Variants in KDM8 observed in about 807,000 individuals in gnomAD.
The protein encoded by KDM8 is lysine demethylase 8.
In KDM8, 35 loss-of-function variants were observed where a neutral mutation model predicts 46.9. That is an observed-to-expected ratio of 0.75 (90% confidence interval 0.57 to 0.99). The LOEUF is 0.99. Ranked by LOEUF, KDM8 falls within the 50% of genes least tolerant of loss-of-function variation. The pLI, the probability that KDM8 is intolerant of heterozygous loss-of-function variation, is 0.00. For missense variants in KDM8, 475 were observed against 537.0 expected, an observed-to-expected ratio of 0.88 and a Z score of 1.14; for synonymous variants, 232 against 227.7, an observed-to-expected ratio of 1.02 and a Z score of -0.17.
intron 4 of KDM8, 105 bp from the exon 5 acceptor site, chr16:27,215,840 T>G (rs1596656321): frequency 5.1e-6 from 6 of 1,165,546 alleles, no homozygotes; most frequent in African/African-American, 1.5e-5. Flanking sequence ...AGTGGAAGGG[T>G]GACGGGTGCT....
chr16:27,214,756 A>C, intron 3 of KDM8, 120 bp from the exon 4 acceptor site: 3 of 1,102,920 alleles, frequency 2.7e-6, no homozygotes, highest in Non-Finnish European at 2.7e-6. Flanking sequence ...TGGGGATGAC[A>C]GTCCTTGTCT....
rs777956468 is a variant in KDM8, at chr16:27,213,720, G to T, written c.634G>T (p.Ala212Ser). The change falls in exon 3 of 8, where the codon GCT becomes TCT. Residue 212 changes from alanine to serine, a missense_variant. By Grantham distance (99) the Ala-to-Ser change is moderately conservative. Transcript: ENST00000286096. ...GAGGCCCGTGATCCTGAAAGGCGTG[G>T]CTGACCACTGGCCGTGCATGCAGAA... is the stretch of plus-strand genomic sequence containing the variant. Reference protein sequence around the residue: ...PGRPVILKGVADHWPCMQKWS... With the variant: ...PGRPVILKGVSDHWPCMQKWS... The T allele has an allele frequency of 5.0e-6, 8 of 1,614,186 alleles. No homozygotes were observed. The South Asian group carries it at 8.8e-5, about 18-fold the overall frequency.
In KDM8 at chr16:27,213,600, C is replaced by T; in HGVS notation, c.514C>T (p.His172Tyr). The change falls in exon 3 of 8, where the codon CAT becomes TAT. Residue 172 changes from histidine (H) to tyrosine (Y), a missense_variant. Transcript: ENST00000286096. ...QPCTKKARAD[H>Y]GLIPDVKLEK... is the part of the protein sequence containing the mutation. ...TTTTAAACAGAAAGCAAGGGCGGAC[C>T]ATGGTTTGATTCCAGATGTGAAGTT... The T allele has an allele frequency of 6.2e-7, 1 of 1,614,014 alleles. No individual in the cohort carries two copies. Among genetic ancestry groups the T allele is most frequent in the African/African-American group, 1.3e-5 (1 of 75,006 alleles).
In KDM8 at chr16:27,220,471, C is replaced by T. The variant is rs1406234712; in HGVS notation, c.1072C>T (p.His358Tyr). 1.2e-6 allele frequency: 2 copies of T among 1,614,138 alleles called. No individual in the cohort carries two copies. The highest frequency in any genetic ancestry group is 1.3e-5 in the African/African-American group (1 of 75,020). ...ALYPHDTHLL[H>Y]NTSQVDVENP... ...GTACCCTCATGACACGCACCTTCTC[C>T]ATAACACGAGCCAGGTGGGCACTGG... is the stretch of plus-strand genomic sequence containing the variant. Residue 358 changes from histidine to tyrosine, a missense_variant, in exon 7 of 8, where the codon CAT (histidine) becomes TAT (tyrosine). By Grantham distance (83) the His-to-Tyr change is moderately conservative (BLOSUM62 2). Transcript: ENST00000286096.
intron 2 of KDM8, chr16:27,211,548 G>A: frequency 5.0e-6 from 1 of 201,392 alleles, no homozygotes; most frequent in East Asian, 1.3e-4. Flanking sequence ...TGTCTGTAGA[G>A]TGGCAGAGTA....
At chr16:27,216,153 G>A in intron 5 of KDM8, 164 bp downstream of exon 5, 2 of 699,014 alleles carry the variant, frequency 2.9e-6, no homozygotes, top group Non-Finnish European at 5.0e-6. Flanking sequence ...TTTTCCTAAA[G>A]TGACAGGAAA....
chr16:27,214,726 C>T (rs1256962064), intron 3 of KDM8, 150 bp from the exon 4 acceptor site: 7 of 799,310 alleles, frequency 8.8e-6, no homozygotes, highest in East Asian at 5.3e-5. Flanking sequence ...CTCTCCATGC[C>T]GGTTCCTCAT....
In KDM8 at chr16:27,213,218, CGTGTGTGTGTGTGTGTGTGTGTGT is replaced by C. The variant is rs3063593; in HGVS notation, c.499-346_499-323del. 3.7e-3 allele frequency: 523 copies of C among 139,612 alleles called. 3 individuals are homozygous for C. Among genetic ancestry groups the C allele is most frequent in the African/African-American group, 0.013 (487 of 37,378 alleles). The allele number at this position is 139,612 out of a possible 1,614,324, so 8.6% of individuals were successfully genotyped here. ...CTCCCAGTGGGTCAGAGATATTTTG[CGTGTGTGTGTGTGTGTGTGTGTGT>C]GTGTGTGTGTGTGTGTGTGTAAGAT... On this transcript the variant is annotated intron_variant, in intron 2 of 7. Coordinates refer to ENST00000286096, the MANE Select transcript of KDM8 (RefSeq NM_024773.3).
intron 5 of KDM8, among the ~76,000 whole-genome samples, chr16:27,217,681 A>G (rs578123827): frequency 6.6e-6 from 1 of 152,236 alleles, no homozygotes; most frequent in East Asian, 1.9e-4. Context: ...CCTGGTACAC[A>G]CTGGTTTCTG....
intron 1 of KDM8, among the ~76,000 whole-genome samples, chr16:27,205,379 G>T (rs2083418170): frequency 6.6e-6 from 1 of 152,130 alleles, no homozygotes; most frequent in Non-Finnish European, 1.5e-5. Flanking sequence ...TTTATGTAAG[G>T]AGCATTTAGG....
chr16:27,214,074 A>G (rs1183297329), intron 3 of KDM8: 1 of 210,596 alleles, frequency 4.7e-6, no homozygotes, highest in African/African-American at 2.3e-5. Context: ...CCCTGAAGCT[A>G]AGAGCAGAAA....
In KDM8 at chr16:27,220,456, G is replaced by A. The variant is rs753137380; in HGVS notation, c.1057G>A (p.Asp353Asn). The part of the protein sequence containing the change: ...PQESGALYPH[D>N]THLLHNTSQV... ...GGAGTCAGGGGCTCTGTACCCTCAT[G>A]ACACGCACCTTCTCCATAACACGAG... Residue 353 changes from aspartate to asparagine, a missense_variant, in exon 7 of 8, where the codon GAC (aspartate) becomes AAC (asparagine). Physicochemically the swap from Asp to Asn is conservative, Grantham distance 23 (BLOSUM62 1). Coordinates refer to ENST00000286096, the MANE Select transcript of KDM8 (RefSeq NM_024773.3). 6.2e-7 allele frequency: 1 copy of A among 1,614,172 alleles called. No homozygotes were observed. The highest frequency in any genetic ancestry group is 1.1e-5 in the South Asian group (1 of 91,080).
intron 3 of KDM8, chr16:27,214,453 T>C (rs953556316): frequency 5.8e-6 from 1 of 171,912 alleles, no homozygotes; most frequent in African/African-American, 2.3e-5. Flanking sequence ...GTAACCTGCC[T>C]CAGATCCCCT....
intron 1 of KDM8, 79 bp from the exon 2 acceptor site, chr16:27,210,013 GA>G: frequency 7.1e-7 from 1 of 1,406,642 alleles, no homozygotes; most frequent in Non-Finnish European, 9.6e-7. Flanking sequence ...CCTCGCAGAT[GA>G]GATGCAGGAA....
At chr16:27,210,684 T>C in intron 2 of KDM8, 63 bp downstream of exon 2, 1 of 1,458,256 alleles carries the variant, frequency 6.9e-7, no homozygotes, top group South Asian at 1.5e-5. Flanking sequence ...TTCTAGAAAT[T>C]CCGAGTCATC....
intron 3 of KDM8, 122 bp downstream of exon 3, chr16:27,213,873 T>C: frequency 1.1e-6 from 1 of 930,728 alleles, no homozygotes; most frequent in South Asian, 1.8e-5. Context: ...CTAGCAGCCC[T>C]TGACTGATTG....
In KDM8 at chr16:27,215,598, A is replaced by G. The variant is rs190384950; in HGVS notation, c.799-347A>G. On this transcript the variant is annotated intron_variant, in intron 4 of 7. Coordinates refer to ENST00000286096, the MANE Select transcript of KDM8 (RefSeq NM_024773.3). ...CCTGTCAAAATTACGACAGGACAGG[A>G]TAGGACAATTTATTTTTCCCAAAAG... is the stretch of plus-strand genomic sequence containing the variant. Among the ~76,000 whole-genome samples the G allele has an allele frequency of 8.6e-4, 131 of 152,296 alleles. 1 individual carries two copies. The highest frequency in any genetic ancestry group is 2.9e-3 in the African/African-American group (119 of 41,564).
chr16:27,216,150 A>G, intron 5 of KDM8, 161 bp downstream of exon 5: 1 of 709,512 alleles, frequency 1.4e-6, no homozygotes, highest in Non-Finnish European at 2.4e-6. Context: ...CCATTTTCCT[A>G]AAGTGACAGG....
rs1037217042 is a variant in KDM8 at position 27,210,345 on chromosome 16, C to T, written c.222C>T (p.Tyr74=). The T allele has an allele frequency of 7.4e-6, 12 of 1,613,224 alleles. No individual in the cohort carries two copies. The Admixed American group carries it at 1.5e-4, about 20-fold the overall frequency. The change falls in exon 2 of 8, where the codon TAC becomes TAT. Residue 74 remains tyrosine (Y), a synonymous_variant. Coordinates refer to ENST00000286096, the MANE Select transcript of KDM8 (RefSeq NM_024773.3). ...AGAGCAGCGAGGTGATCCTGGACTA[C>T]TCCTGGGAGAAGCTCAACACGGGCA... The part of the protein sequence containing the change: ...CLQSSEVILD[Y]SWEKLNTGTW...
Sources: allele counts gnomAD v4.1 joint callset (sites outside exome capture counted in the v4.1 genomes callset), GRCh38; gene constraint gnomAD v4.1.1; transcripts MANE v1.5; gene names NCBI Gene and HGNC (gene_info 2026-07-23, HGNC 2026-07-21).